The following TDRD3 variants were observed in gnomAD, a reference collection of about 807,000 sequenced individuals.
TDRD3 encodes tudor domain containing 3.
In TDRD3, 45 loss-of-function variants were observed where a neutral mutation model predicts 86.7. The observed-to-expected ratio is 0.52, with a 90% CI of 0.41 to 0.67. The LOEUF is 0.67. TDRD3 is among the 30% of genes least tolerant of loss of function. The pLI is 0.00. For missense variants in TDRD3, 814 were observed against 889.0 expected, an observed-to-expected ratio of 0.92 and a Z score of 1.07; for synonymous variants, 298 against 301.7, an observed-to-expected ratio of 0.99 and a Z score of 0.13.
chr13:60,461,317 T>C lies in TDRD3; in HGVS notation c.353+777T>C, dbSNP rs145557435. Among the ~76,000 whole-genome samples, 532 of 152,244 alleles carry C rather than the reference T, an allele frequency of 3.5e-3. 5 individuals are homozygous for C. The highest frequency in any genetic ancestry group is 0.012 in the African/African-American group (500 of 41,556). ...ACTTTAGTCATTTCCTAGGAAATCATTGGGAATGATTTTCCAAACCCTTTG... is the reference window on the plus strand; with the variant it reads ...ACTTTAGTCATTTCCTAGGAAATCACTGGGAATGATTTTCCAAACCCTTTG... On this transcript the variant is annotated intron_variant, in intron 4 of 13. Coordinates refer to ENST00000377881, the MANE Select transcript of TDRD3 (RefSeq NM_001146070.2).
rs1249052131 is a variant in TDRD3, at chr13:60,439,721, A to G, written c.75A>G (p.Thr25=). The G allele has an allele frequency of 1.3e-6, 2 of 1,545,686 alleles. No homozygotes were observed. The highest frequency in any genetic ancestry group is 1.4e-5 in the African/African-American group (1 of 72,802). ...CAGATGAAGGCATTGAAGCTTGCAC[A>G]AGCTCTCCAGACAAAGTCAATGTAA... ...YLSDEGIEAC[T]SSPDKVNVND... The change falls in exon 2 of 14, where the codon ACA becomes ACG. Residue 25 remains threonine (T), a synonymous_variant. Coordinates refer to ENST00000377881, the MANE Select transcript of TDRD3 (RefSeq NM_001146070.2).
At chr13:60,488,736 G>A (rs185212658) in intron 7 of TDRD3, among the ~76,000 whole-genome samples, 3 of 152,030 alleles carry the variant, frequency 2.0e-5, no homozygotes, top group Admixed American at 6.6e-5. Context: ...ACCGTGTCTG[G>A]CTAATTCTTT....
intron 12 of TDRD3, among the ~76,000 whole-genome samples, chr13:60,566,394 A>G (rs1316286662): frequency 6.6e-6 from 1 of 152,118 alleles, no homozygotes; most frequent in Non-Finnish European, 1.5e-5. Context: ...ATTAGGTAAA[A>G]TTGCAGTAAT....
chr13:60,417,868 G>A (rs1252985336), intron 1 of TDRD3, among the ~76,000 whole-genome samples: 1 of 152,052 alleles, frequency 6.6e-6, no homozygotes, highest in Non-Finnish European at 1.5e-5. Flanking sequence ...CCATTCATGA[G>A]TCATTTTTTT....
intron 7 of TDRD3, among the ~76,000 whole-genome samples, chr13:60,490,241 G>A (rs1956556501): frequency 6.6e-6 from 1 of 152,180 alleles, no homozygotes; most frequent in South Asian, 2.1e-4. Context: ...TAAATAAGCA[G>A]ATTGCAATTT....
At chr13:60,431,194 C>T (rs1010767968) in intron 1 of TDRD3, among the ~76,000 whole-genome samples, 4 of 151,720 alleles carry the variant, frequency 2.6e-5, no homozygotes, top group African/African-American at 9.7e-5. Flanking sequence ...CCCTACTCTC[C>T]AACAAAAAAC....
intron 12 of TDRD3, among the ~76,000 whole-genome samples, chr13:60,564,567 A>C (rs1326126487): frequency 1.3e-5 from 2 of 152,150 alleles, no homozygotes; most frequent in African/African-American, 4.8e-5. Flanking sequence ...CTCTTCCTCT[A>C]ATTAGCTCTG....
chr13:60,522,185 G>A (rs1957303260), intron 10 of TDRD3, among the ~76,000 whole-genome samples: 1 of 151,992 alleles, frequency 6.6e-6, no homozygotes, highest in Admixed American at 6.6e-5. Flanking sequence ...ATTTTCTGAT[G>A]TATCTAAATT....
At chr13:60,519,304 A>G (rs1957239182) in intron 10 of TDRD3, among the ~76,000 whole-genome samples, 1 of 152,198 alleles carries the variant, frequency 6.6e-6, no homozygotes, top group South Asian at 2.1e-4. Context: ...TCATCTGTAA[A>G]TGCAAAATAT....
intron 1 of TDRD3, among the ~76,000 whole-genome samples, chr13:60,404,935 A>G (rs1032700777): frequency 2.6e-5 from 4 of 152,176 alleles, no homozygotes; most frequent in African/African-American, 7.2e-5. Context: ...AATGGGTCTC[A>G]CAAGATCTGA....
At chr13:60,456,549 C>T (rs1401336964) in intron 3 of TDRD3, among the ~76,000 whole-genome samples, 1 of 152,100 alleles carries the variant, frequency 6.6e-6, no homozygotes, top group African/African-American at 2.4e-5. Flanking sequence ...GAAAATCAGA[C>T]ATTAAAGAAG....
At chr13:60,395,549 G>T (rs116264097), upstream of TDRD3, among the ~76,000 whole-genome samples, 1,209 of 152,236 alleles carry the variant, frequency 7.9e-3, 22 homozygotes, top group African/African-American at 0.027. Context: ...CTTTATTATT[G>T]TAAGGACCAT....
intron 1 of TDRD3, among the ~76,000 whole-genome samples, chr13:60,436,701 GTGATGTATGGGCCT>G (rs1335425395): frequency 6.6e-6 from 1 of 152,144 alleles, no homozygotes; most frequent in Non-Finnish European, 1.5e-5. Flanking sequence ...GTCTAGCAAT[GTGATGTATGGGCCT>G]TGTTTGAAAG....
chr13:60,552,057 T>A (rs1338905650), intron 12 of TDRD3, among the ~76,000 whole-genome samples: 2 of 152,190 alleles, frequency 1.3e-5, no homozygotes, highest in African/African-American at 4.8e-5. Flanking sequence ...AAATCTCATA[T>A]CCTTTTCACA....
At chr13:60,541,469 C>T (rs556100930) in intron 12 of TDRD3, among the ~76,000 whole-genome samples, 6 of 151,926 alleles carry the variant, frequency 3.9e-5, no homozygotes, top group Admixed American at 1.3e-4. Context: ...GCCCAGTCCA[C>T]GGCATTCTTT....
chr13:60,470,006 A>C (rs572363796), intron 5 of TDRD3, among the ~76,000 whole-genome samples: 2 of 152,162 alleles, frequency 1.3e-5, no homozygotes, highest in African/African-American at 2.4e-5. Flanking sequence ...CATCTTCCCA[A>C]ACTTAAACTC....
chr13:60,487,147 T>TTTATA, intron 7 of TDRD3, among the ~76,000 whole-genome samples: 1 of 152,188 alleles, frequency 6.6e-6, no homozygotes, highest in East Asian at 1.9e-4. Flanking sequence ...ATAGCAGCTA[T>TTTATA]TTATATAACA....
At chr13:60,459,979 G>T (rs1955770795) in intron 3 of TDRD3, among the ~76,000 whole-genome samples, 1 of 152,148 alleles carries the variant, frequency 6.6e-6, no homozygotes, top group Non-Finnish European at 1.5e-5. Context: ...AAACTGCAAA[G>T]TTCTTTATTT....
At chr13:60,445,034 A>C (rs1311241001) in intron 3 of TDRD3, among the ~76,000 whole-genome samples, 1 of 152,000 alleles carries the variant, frequency 6.6e-6, no homozygotes, top group Non-Finnish European at 1.5e-5. Context: ...ATTGGCACTC[A>C]TTACAATGAC....
Sources: gnomAD v4.1 joint callset for allele counts (sites outside exome capture counted in the v4.1 genomes callset) on GRCh38, gnomAD v4.1.1 for gene constraint, MANE v1.5 for transcripts, NCBI Gene and HGNC (gene_info 2026-07-23, HGNC 2026-07-21) for gene names.